The following NBEAL1 variants were observed in gnomAD, a reference collection of about 807,000 sequenced individuals.
NBEAL1 encodes the protein neurobeachin-like protein 1.
A neutral mutation model predicts 351.3 loss-of-function variants in NBEAL1; 273 were observed. The observed-to-expected ratio is 0.78, with a 90% CI of 0.70 to 0.86. The LOEUF (loss-of-function observed/expected upper bound fraction) is 0.86. Ranked by LOEUF, NBEAL1 falls within the 40% of genes least tolerant of loss-of-function variation. The probability of loss-of-function intolerance (pLI) is 0.00; values close to 1 mark genes in which losing one functional copy is unlikely to be tolerated. For missense variants in NBEAL1, 2,961 were observed against 3,201.3 expected (o/e 0.92, Z 1.81); for synonymous variants, 1,050 against 1,086.4 (o/e 0.97, Z 0.66).
At position 203,197,293 on chromosome 2, in the gene NBEAL1, A is replaced by C; in HGVS notation, c.7039-9A>C. 6.6e-7 allele frequency: 1 copy of C among 1,519,610 alleles called. No individual in the cohort carries two copies. Among genetic ancestry groups the C allele is most frequent in the South Asian group, 1.1e-5 (1 of 88,008 alleles). 94.1% of individuals were successfully genotyped at this position (1,519,610 alleles called of 1,614,324 possible). On this transcript the variant is annotated splice_polypyrimidine_tract_variant and intron_variant, in intron 47 of 55. Transcript: ENST00000683969. ...CAGAACCAGCCACTAAACCTCTTTT[A>C]TTTTATAGGGGATTAGTGATGGTAT... is the stretch of plus-strand genomic sequence containing the variant.
intron 39 of NBEAL1, 105 bp from the exon 40 acceptor site, chr2:203,171,822 CT>C (rs5837845): frequency 0.031 from 11,767 of 376,012 alleles, no homozygotes; most frequent in South Asian, 0.046. Flanking sequence ...CCTGTTGTAC[CT>C]TTTTTTTTTT....
chr2:203,159,646 A>C (rs796382492), intron 36 of NBEAL1, among the ~76,000 whole-genome samples: 9 of 152,220 alleles, frequency 5.9e-5, no homozygotes, highest in African/African-American at 2.2e-4. Flanking sequence ...AATCATGAGC[A>C]TTTAGGTTGT....
chr2:203,116,000 G>A lies in NBEAL1; in HGVS notation c.2522G>A (p.Ser841Asn), dbSNP rs908091654. The part of the protein sequence containing the change: ...ALYLAGPNCL[S>N]PWKCQESDMA... The stretch of plus-strand genomic sequence containing the variant: ...TAATTTTCAGGTCCAAATTGTTTAA[G>A]CCCTTGGAAGTGTCAAGAGTCTGAC... Residue 841 changes from serine (S) to asparagine (N), a missense_variant, in exon 18 of 56, where the codon AGC (serine) becomes AAC (asparagine). Coordinates refer to ENST00000683969, the MANE Select transcript of NBEAL1 (RefSeq NM_001378026.1). 1.0e-5 allele frequency: 16 copies of A among 1,552,672 alleles called. No homozygotes were observed. Among genetic ancestry groups the A allele is most frequent in the Non-Finnish European group, 1.4e-5 (16 of 1,146,896 alleles).
chr2:203,177,373 TAAAAAA>T (rs35540453), intron 42 of NBEAL1, among the ~76,000 whole-genome samples: 1 of 135,468 alleles, frequency 7.4e-6, no homozygotes, highest in Non-Finnish European at 1.6e-5. Context: ...CCATCTCTAT[TAAAAAA>T]AAAAAAAAAG....
rs569485381 is a variant in NBEAL1, at chr2:203,201,464, A to G, written c.7239-79A>G. The G allele has an allele frequency of 7.6e-6, 9 of 1,188,970 alleles. No individual in the cohort carries two copies. In the East Asian group the frequency reaches 2.4e-4, roughly 32 times the overall value. The allele number at this position is 1,188,970 out of a possible 1,614,324, so 73.7% of individuals were successfully genotyped here. ...GGGACTAATTTTTTATTTCTTTTTT[A>G]GAGAGGTTTAAAAAGAATAGTTCAC... is the stretch of plus-strand genomic sequence containing the variant. On this transcript the variant is annotated intron_variant, in intron 49 of 55. Transcript: ENST00000683969.
chr2:203,196,989 ATG>A (rs1372951596), intron 47 of NBEAL1, among the ~76,000 whole-genome samples: 1 of 152,200 alleles, frequency 6.6e-6, no homozygotes, highest in Non-Finnish European at 1.5e-5. Flanking sequence ...TCTACTTTAT[ATG>A]TATGTCAGTA....
intron 1 of NBEAL1, 59 bp from the exon 2 acceptor site, chr2:203,016,097 G>A (rs1455615101): frequency 8.0e-5 from 21 of 264,028 alleles, no homozygotes; most frequent in Admixed American, 3.7e-4. Context: ...TTTTTGATAA[G>A]TCTAGATTTT....
intron 8 of NBEAL1, 137 bp downstream of exon 8, chr2:203,077,974 C>G: frequency 2.4e-6 from 1 of 424,400 alleles, no homozygotes; most frequent in Non-Finnish European, 4.1e-6. Flanking sequence ...TGTAACTAAT[C>G]TACTTCTTTT....
intron 45 of NBEAL1, 75 bp downstream of exon 45, chr2:203,188,664 G>A: frequency 3.8e-6 from 3 of 787,264 alleles, no homozygotes; most frequent in East Asian, 2.6e-5. Context: ...ACAGTTATTT[G>A]AAGCCTATTT....
intron 46 of NBEAL1, among the ~76,000 whole-genome samples, 181 bp from the exon 47 acceptor site, chr2:203,193,614 T>G (rs749561092): frequency 4.6e-5 from 7 of 151,640 alleles, no homozygotes; most frequent in Non-Finnish European, 1.0e-4. Flanking sequence ...AGAAGTGGGG[T>G]TTCCAAAGAA....
chr2:203,081,160 A>G lies in NBEAL1; in HGVS notation c.685-2059A>G, dbSNP rs560922820. Among the ~76,000 whole-genome samples, 15 of 152,306 alleles carry G rather than the reference A, an allele frequency of 9.8e-5. 1 individual carries two copies. The South Asian group carries it at 3.1e-3, about 32-fold the overall frequency. On this transcript the variant is annotated intron_variant, in intron 8 of 55. Transcript: ENST00000683969. ...GCATTAGTACAAGGGTGTTTAGAGGAATTGAATATATAAAAGCTAAAGAAT... is the reference window on the plus strand; with the variant it reads ...GCATTAGTACAAGGGTGTTTAGAGGGATTGAATATATAAAAGCTAAAGAAT...
At chr2:203,200,702 T>C (rs1253365145) in intron 49 of NBEAL1, among the ~76,000 whole-genome samples, 2 of 151,842 alleles carry the variant, frequency 1.3e-5, no homozygotes, top group Non-Finnish European at 2.9e-5. Flanking sequence ...TCAAAAAAAC[T>C]AAAATTAAAA....
rs1458178524 is a variant in NBEAL1, at chr2:203,201,769, G to C, written c.7411+54G>C. Reference sequence around the variant, plus strand: ...CTCAAAAATTTTCTTTTTTTCTTAAGTATAAAAGTAGTACGTGCTCTTTGT... The same window carrying C: ...CTCAAAAATTTTCTTTTTTTCTTAACTATAAAAGTAGTACGTGCTCTTTGT... On this transcript the variant is annotated intron_variant, in intron 50 of 55. Coordinates refer to ENST00000683969, the MANE Select transcript of NBEAL1 (RefSeq NM_001378026.1). 1.2e-5 allele frequency: 17 copies of C among 1,450,788 alleles called. No individual in the cohort carries two copies. The Admixed American group carries it at 3.8e-4, about 32-fold the overall frequency. 89.9% of individuals were successfully genotyped at this position (1,450,788 alleles called of 1,614,324 possible).
intron 31 of NBEAL1, among the ~76,000 whole-genome samples, chr2:203,139,841 C>G (rs1194920067): frequency 6.6e-6 from 1 of 151,852 alleles, no homozygotes; most frequent in East Asian, 1.9e-4. Flanking sequence ...TGCTGGATTA[C>G]AGGTGTGAAC....
chr2:203,042,601 C>CT (rs1472288845), intron 3 of NBEAL1, among the ~76,000 whole-genome samples: 1 of 109,720 alleles, frequency 9.1e-6, no homozygotes, highest in African/African-American at 3.4e-5. Context: ...TTTTTTTTTT[C>CT]TTTTTTTTGA....
At chr2:203,082,745 G>A (rs1230254679) in intron 8 of NBEAL1, among the ~76,000 whole-genome samples, 2 of 152,152 alleles carry the variant, frequency 1.3e-5, no homozygotes, top group Non-Finnish European at 2.9e-5. Context: ...GCAGTTTTGA[G>A]CTGGTACAGC....
chr2:203,169,767 C>A lies in NBEAL1; in HGVS notation c.6018C>A (p.Ser2006Arg), dbSNP rs2064261008. The A allele has an allele frequency of 6.2e-7, 1 of 1,605,476 alleles. No homozygotes were observed. The highest frequency in any genetic ancestry group is 1.3e-5 in the African/African-American group (1 of 74,610). ...FKKEVRNKIY[S>R]RLLSLHSPNS... Reference sequence around the variant, plus strand: ...TATAGGTTAGAAACAAAATATATAGCCGACTGTTGTCACTTCATTCCCCAA... The same window carrying A: ...TATAGGTTAGAAACAAAATATATAGACGACTGTTGTCACTTCATTCCCCAA... Residue 2006 changes from serine to arginine, a missense_variant, in exon 39 of 56, where the codon AGC (serine) becomes AGA (arginine). Transcript: ENST00000683969.
At chr2:203,173,403 A>G (rs1160025981) in intron 41 of NBEAL1, among the ~76,000 whole-genome samples, 3 of 152,154 alleles carry the variant, frequency 2.0e-5, no homozygotes, top group Non-Finnish European at 4.4e-5. Context: ...AGGCAACAGA[A>G]TAACCTGATT....
intron 19 of NBEAL1, 150 bp downstream of exon 19, chr2:203,122,493 T>TC (rs1682042945): frequency 1.7e-6 from 1 of 574,216 alleles, no homozygotes; most frequent in African/African-American, 2.0e-5. Context: ...GGTAAACAAA[T>TC]GCAAAGTTAA....
Sources: allele counts gnomAD v4.1 joint callset (sites outside exome capture counted in the v4.1 genomes callset), GRCh38; gene constraint gnomAD v4.1.1; transcripts MANE v1.5; gene names NCBI Gene and HGNC (gene_info 2026-07-23, HGNC 2026-07-21).